Variants in FBXL7 observed in about 807,000 individuals in gnomAD.
The protein encoded by FBXL7 is F-box and leucine rich repeat protein 7, also known as F-box/LRR-repeat protein 7.
In FBXL7, 12 loss-of-function variants were observed where a neutral mutation model predicts 38.3. That is an observed-to-expected ratio of 0.31 (90% CI 0.20 to 0.51). The LOEUF (loss-of-function observed/expected upper bound fraction) is 0.51, where lower values mean the gene tolerates loss of function less well. Ranked by LOEUF, FBXL7 falls within the 20% of genes least tolerant of loss-of-function variation. The pLI is 0.98. For missense variants in FBXL7, 567 were observed against 676.4 expected (o/e 0.84, Z 1.79); for synonymous variants, 297 against 300.9 (o/e 0.99, Z 0.13).
At chr5:15,804,690 T>C (rs1351811148) in intron 2 of FBXL7, among the ~76,000 whole-genome samples, 1 of 152,094 alleles carries the variant, frequency 6.6e-6, no homozygotes, top group African/African-American at 2.4e-5. Flanking sequence ...GAGCTCTGCC[T>C]CCTGTCAGAT....
chr5:15,576,374 G>A (rs1397674172), intron 1 of FBXL7, among the ~76,000 whole-genome samples: 1 of 152,116 alleles, frequency 6.6e-6, no homozygotes, highest in East Asian at 1.9e-4. Context: ...ATGAGCCACT[G>A]TGCCTGGCTG....
At chr5:15,711,949 TAAA>T (rs1743888880) in intron 2 of FBXL7, among the ~76,000 whole-genome samples, 1 of 152,140 alleles carries the variant, frequency 6.6e-6, no homozygotes, top group Non-Finnish European at 1.5e-5. Context: ...CGAACCATAT[TAAA>T]AAATAAATAG....
chr5:15,856,721 TTTCC>T (rs779084828), intron 2 of FBXL7, among the ~76,000 whole-genome samples: 7 of 152,088 alleles, frequency 4.6e-5, no homozygotes, highest in African/African-American at 7.2e-5. Flanking sequence ...TTCATTCACT[TTTCC>T]TTCCTTCCTT....
intron 2 of FBXL7, among the ~76,000 whole-genome samples, chr5:15,823,053 A>G (rs916436357): frequency 6.6e-6 from 1 of 152,206 alleles, no homozygotes; most frequent in African/African-American, 2.4e-5. Flanking sequence ...TTCAAACCCA[A>G]GGAATCAACC....
chr5:15,760,435 A>G lies in FBXL7; in HGVS notation c.127+144363A>G, dbSNP rs564779741. On this transcript the variant is annotated intron_variant, in intron 2 of 3. Transcript: ENST00000504595. ...TTGCATTTTGGAAAAGCAAAAAAAA[A>G]AAAAAGAAAAAAGTTGAGAGAGTCC... 5.3e-5 allele frequency among the ~76,000 whole-genome samples: 8 copies of G among 152,178 alleles called. No homozygotes were observed. The South Asian group carries it at 8.3e-4, about 16-fold the overall frequency.
At chr5:15,745,217 T>C (rs1422882767) in intron 2 of FBXL7, among the ~76,000 whole-genome samples, 2 of 121,046 alleles carry the variant, frequency 1.7e-5, no homozygotes, top group African/African-American at 2.9e-5. Flanking sequence ...TATGAAAGTG[T>C]ATTATTTCTC....
intron 1 of FBXL7, among the ~76,000 whole-genome samples, chr5:15,523,636 C>G (rs191845002): frequency 7.9e-5 from 12 of 152,210 alleles, no homozygotes; most frequent in Admixed American, 5.9e-4. Flanking sequence ...TGTAAGTCAT[C>G]CAGGGTGAAG....
intron 2 of FBXL7, among the ~76,000 whole-genome samples, chr5:15,921,098 T>C (rs905629621): frequency 6.6e-6 from 1 of 152,098 alleles, no homozygotes; most frequent in Admixed American, 6.6e-5. Flanking sequence ...ATATTTGAAA[T>C]TAGCTGGGAA....
At chr5:15,790,757 G>A (rs1011922729) in intron 2 of FBXL7, among the ~76,000 whole-genome samples, 3 of 152,164 alleles carry the variant, frequency 2.0e-5, no homozygotes, top group Non-Finnish European at 4.4e-5. Flanking sequence ...CATCGGTCTT[G>A]TCTTTAAGAC....
At chr5:15,914,293 G>T (rs1333501142) in intron 2 of FBXL7, among the ~76,000 whole-genome samples, 3 of 151,446 alleles carry the variant, frequency 2.0e-5, no homozygotes. Context: ...GGCTGAGGCA[G>T]GAGAATGGTG....
intron 2 of FBXL7, among the ~76,000 whole-genome samples, chr5:15,757,261 G>T (rs992136498): frequency 6.6e-6 from 1 of 152,094 alleles, no homozygotes; most frequent in Non-Finnish European, 1.5e-5. Flanking sequence ...TTGAAATAAT[G>T]TAGGAATAAC....
At chr5:15,814,386 A>G (rs1737954911) in intron 2 of FBXL7, among the ~76,000 whole-genome samples, 2 of 152,126 alleles carry the variant, frequency 1.3e-5, no homozygotes, top group Admixed American at 6.5e-5. Flanking sequence ...ATGAGAACAC[A>G]TGGACACAGG....
chr5:15,917,633 A>G (rs1258206589), intron 2 of FBXL7, among the ~76,000 whole-genome samples: 5 of 115,704 alleles, frequency 4.3e-5, no homozygotes, highest in Non-Finnish European at 9.3e-5. Flanking sequence ...GAAAGAAAGT[A>G]AAGGAAGGGA....
At chr5:15,848,566 G>A (rs1561150567) in intron 2 of FBXL7, among the ~76,000 whole-genome samples, 1 of 152,128 alleles carries the variant, frequency 6.6e-6, no homozygotes, top group Non-Finnish European at 1.5e-5. Context: ...ATTTTTAGTA[G>A]AGATGGGGTT....
chr5:15,768,548 A>C (rs1280974593), intron 2 of FBXL7, among the ~76,000 whole-genome samples: 2 of 152,130 alleles, frequency 1.3e-5, no homozygotes, highest in African/African-American at 2.4e-5. Context: ...AAAAAGAAAA[A>C]AAAGAGTAAC....
chr5:15,774,226 A>G (rs1419796988), intron 2 of FBXL7, among the ~76,000 whole-genome samples: 1 of 151,842 alleles, frequency 6.6e-6, no homozygotes, highest in Non-Finnish European at 1.5e-5. Flanking sequence ...TCAAACTTCT[A>G]CTACTGACTG....
At position 15,870,812 on chromosome 5, in the gene FBXL7, CAG is replaced by C. The variant is rs1424668866; in HGVS notation, c.128-57077_128-57076del. On this transcript the variant is annotated intron_variant, in intron 2 of 3. Coordinates refer to ENST00000504595, the MANE Select transcript of FBXL7 (RefSeq NM_012304.5). ...CTGAAAGAAAGGCAGCAGCCCCACTCAGGGGCTTATAGATAAAACTCCCATCT... is the reference window on the plus strand; with the variant it reads ...CTGAAAGAAAGGCAGCAGCCCCACTCGGGCTTATAGATAAAACTCCCATCT... 3.3e-5 allele frequency among the ~76,000 whole-genome samples: 5 copies of C among 152,328 alleles called. No homozygotes were observed. The East Asian group carries it at 5.8e-4, about 18-fold the overall frequency.
chr5:15,914,733 A>C (rs1489659823), intron 2 of FBXL7, among the ~76,000 whole-genome samples: 1 of 152,214 alleles, frequency 6.6e-6, no homozygotes, highest in Admixed American at 6.5e-5. Context: ...AACCAAAAAG[A>C]AAATGAAAGT....
chr5:15,507,870 C>G (rs909267078), intron 1 of FBXL7, among the ~76,000 whole-genome samples: 1 of 151,886 alleles, frequency 6.6e-6, no homozygotes, highest in Non-Finnish European at 1.5e-5. Context: ...TGGTGAAACC[C>G]GGTGTCTACT....
Sources: allele counts gnomAD v4.1 joint callset (sites outside exome capture counted in the v4.1 genomes callset), GRCh38; gene constraint gnomAD v4.1.1; transcripts MANE v1.5; gene names NCBI Gene and HGNC (gene_info 2026-07-23, HGNC 2026-07-21).